LEPR: variants seen among roughly 807,000 people sequenced by gnomAD.
LEPR encodes OB receptor.
Under a neutral mutation model 114.7 loss-of-function variants are expected in LEPR, and 56 were observed. The ratio of observed to expected loss-of-function variants is 0.49; its 90% CI spans 0.39 to 0.61. The LOEUF is 0.61. Among genes scored for constraint, LEPR ranks in the 20% least tolerant of loss-of-function variants. LEPR has a pLI of 0.00. For synonymous variants in LEPR, 443 were observed against 461.4 expected (o/e 0.96, Z 0.51); for missense variants, 1,202 against 1,352.9 (o/e 0.89, Z 1.75).
intron 2 of LEPR, among the ~76,000 whole-genome samples, chr1:65,554,445 A>G (rs1330214018): frequency 6.6e-6 from 1 of 152,164 alleles, no homozygotes; most frequent in Non-Finnish European, 1.5e-5. Flanking sequence ...CAGTCTGGCT[A>G]CAGAGGCTTT....
intron 2 of LEPR, among the ~76,000 whole-genome samples, chr1:65,510,063 A>T (rs1376566191): frequency 6.6e-6 from 1 of 152,140 alleles, no homozygotes; most frequent in East Asian, 1.9e-4. Context: ...AAAACCTGGG[A>T]ATGGTCAGCA....
intron 2 of LEPR, among the ~76,000 whole-genome samples, chr1:65,485,581 C>G (rs186412992): frequency 6.6e-6 from 1 of 152,206 alleles, no homozygotes; most frequent in East Asian, 1.9e-4. Flanking sequence ...TTACATAAAT[C>G]TTTTCTTGTT....
chr1:65,633,302 A>G lies in LEPR; in HGVS notation c.2674-2889A>G. ...AATTCAGTTGAACTTCTGAGAGTTA[A>G]CATATGGTGGATTATGTTGATTTAG... is the stretch of plus-strand genomic sequence containing the variant. On this transcript the variant is annotated intron_variant, in intron 19 of 19. Transcript: ENST00000349533. This position sits in a 1 kb window ranked among gnomAD's most constrained non-coding sequence, Gnocchi z 4.1. The G allele has an allele frequency of 6.7e-7, 1 of 1,489,244 alleles. No individual in the cohort carries two copies. The highest frequency in any genetic ancestry group is 2.3e-5 in the Admixed American group (1 of 43,754). 92.3% of individuals were successfully genotyped at this position (1,489,244 alleles called of 1,614,324 possible). A position where few individuals can be genotyped will look rare whatever the true frequency, so the allele number is the denominator to read the frequency against.
At chr1:65,495,488 G>C (rs1162157475) in intron 2 of LEPR, among the ~76,000 whole-genome samples, 1 of 152,108 alleles carries the variant, frequency 6.6e-6, no homozygotes, top group Non-Finnish European at 1.5e-5. Context: ...AAAACAGTAG[G>C]GAGGTGTCCT....
intron 19 of LEPR, chr1:65,635,180 T>C (rs1200404040): frequency 2.1e-6 from 2 of 956,908 alleles, no homozygotes; most frequent in African/African-American, 3.5e-5. Flanking sequence ...TCTATTAGTT[T>C]AAAAATTGTA....
intron 2 of LEPR, among the ~76,000 whole-genome samples, chr1:65,438,539 ACT>A (rs1355628774): frequency 1.7e-5 from 2 of 118,832 alleles, no homozygotes; most frequent in African/African-American, 7.0e-5. Context: ...ACAGAGCGAG[ACT>A]CTGTCTCAAA....
chr1:65,474,779 G>A lies in LEPR; in HGVS notation c.-21+49401G>A, dbSNP rs564806919. On this transcript the variant is annotated intron_variant, in intron 2 of 19. Coordinates refer to ENST00000349533, the MANE Select transcript of LEPR (RefSeq NM_002303.6). ...TCCCAGCACTTTGGGAGGCCGAGGC[G>A]GGCAGATCACGAGGTCAGGAGTTTG... Among the ~76,000 whole-genome samples the A allele has an allele frequency of 2.5e-3, 376 of 151,944 alleles. 1 individual carries two copies. The highest frequency in any genetic ancestry group is 8.3e-3 in the African/African-American group (343 of 41,458).
chr1:65,446,468 T>TG (rs1646716037), intron 2 of LEPR, among the ~76,000 whole-genome samples: 1 of 152,134 alleles, frequency 6.6e-6, no homozygotes, highest in South Asian at 2.1e-4. Context: ...TGGGTTTGGG[T>TG]GGGTTTTGGC....
intron 6 of LEPR, among the ~76,000 whole-genome samples, chr1:65,593,735 A>C (rs1655860435): frequency 6.6e-6 from 1 of 152,092 alleles, no homozygotes; most frequent in African/African-American, 2.4e-5. Flanking sequence ...TAACATGAAG[A>C]CTTTCAAATA....
intron 19 of LEPR, among the ~76,000 whole-genome samples, chr1:65,624,856 CAGG>C (rs1557703622): frequency 6.6e-6 from 1 of 152,096 alleles, no homozygotes. Context: ...AATTTTTCAG[CAGG>C]AGAAAGAATG....
At chr1:65,596,168 AG>A (rs1001231279) in intron 6 of LEPR, among the ~76,000 whole-genome samples, 1 of 152,122 alleles carries the variant, frequency 6.6e-6, no homozygotes, top group Non-Finnish European at 1.5e-5. Context: ...GATTCTTACA[AG>A]GGGAAATCAC....
At chr1:65,451,334 A>G (rs1167790307) in intron 2 of LEPR, among the ~76,000 whole-genome samples, 4 of 152,210 alleles carry the variant, frequency 2.6e-5, no homozygotes, top group African/African-American at 7.2e-5. Context: ...TTGGTGTTTT[A>G]GACATGAAGT....
intron 2 of LEPR, chr1:65,432,345 C>T: frequency 1.0e-6 from 1 of 983,850 alleles, no homozygotes; most frequent in Non-Finnish European, 1.2e-6. Flanking sequence ...AAAAGTGTGG[C>T]CCACAGACCA....
intron 2 of LEPR, among the ~76,000 whole-genome samples, chr1:65,529,913 GA>G (rs1484832563): frequency 1.3e-5 from 2 of 152,084 alleles, no homozygotes; most frequent in African/African-American, 4.8e-5. Context: ...TTTAACCTTG[GA>G]ATACCTTAAG....
intron 2 of LEPR, among the ~76,000 whole-genome samples, chr1:65,524,885 T>C (rs879102965): frequency 6.6e-6 from 1 of 152,194 alleles, no homozygotes; most frequent in Admixed American, 6.5e-5. Context: ...TAAAGACGCA[T>C]TTAATACATA....
rs781053825 is a variant in LEPR, at chr1:65,601,242, G to A, written c.995-150G>A. 96 of 950,046 alleles carry A rather than the reference G, an allele frequency of 1.0e-4. No individual in the cohort carries two copies. The Middle Eastern group carries it at 2.4e-3, about 23-fold the overall frequency. 58.9% of individuals were successfully genotyped at this position (950,046 alleles called of 1,614,324 possible). A position where few individuals can be genotyped will look rare whatever the true frequency, so the allele number is the denominator to read the frequency against. On this transcript the variant is annotated intron_variant, in intron 8 of 19. Transcript: ENST00000349533. The stretch of plus-strand genomic sequence containing the variant: ...ACACTAGATAACTGTACACAAACAG[G>A]TAATTTCAGCATTATCCAGTTTTTA...
chr1:65,538,623 A>T (rs991892547), intron 2 of LEPR, among the ~76,000 whole-genome samples: 1 of 152,160 alleles, frequency 6.6e-6, no homozygotes, highest in African/African-American at 2.4e-5. Context: ...AATTTTCTAT[A>T]AGTCAGTTGC....
chr1:65,592,521 G>C (rs79816855), intron 5 of LEPR, 136 bp from the exon 6 acceptor site: 3 of 707,410 alleles, frequency 4.2e-6, no homozygotes, highest in Non-Finnish European at 6.5e-6. Context: ...CTAATGTAGG[G>C]TTTTTTTTTT....
At chr1:65,549,851 G>A (rs1478548875) in intron 2 of LEPR, among the ~76,000 whole-genome samples, 1 of 152,178 alleles carries the variant, frequency 6.6e-6, no homozygotes, top group Admixed American at 6.5e-5. Context: ...TTCTGTTGCT[G>A]GTGAGGAACT....
Sources: allele counts gnomAD v4.1 joint callset (sites outside exome capture counted in the v4.1 genomes callset), GRCh38; gene constraint gnomAD v4.1.1; non-coding constraint Gnocchi (gnomAD v3.1); transcripts MANE v1.5; gene names NCBI Gene and HGNC (gene_info 2026-07-23, HGNC 2026-07-21).